CLDND1: variants seen among roughly 807,000 people sequenced by gnomAD.
CLDND1 encodes the protein claudin domain-containing protein 1.
CLDND1 carries 13 observed loss-of-function variants against 26.3 expected under a neutral mutation model. The observed-to-expected ratio is 0.49, with a 90% CI of 0.32 to 0.78. CLDND1 has a LOEUF of 0.78. CLDND1 is among the 30% of genes least tolerant of loss of function. CLDND1 has a pLI of 0.03. For missense variants in CLDND1, 289 were observed against 312.8 expected, an observed-to-expected ratio of 0.92 and a Z score of 0.57; for synonymous variants, 107 against 107.0, an observed-to-expected ratio of 1.00 and a Z score of 0.00.
chr3:98,521,656 G>A (rs753880425), intron 1 of CLDND1: 1 of 1,611,108 alleles, frequency 6.2e-7, no homozygotes. Flanking sequence ...CACATACCCA[G>A]GATGCTACGG....
rs747385363 is a variant in CLDND1 at position 98,517,087 on chromosome 3, G to A, written c.506C>T (p.Pro169Leu). 3 of 1,614,102 alleles carry A rather than the reference G, an allele frequency of 1.9e-6. No individual in the cohort carries two copies. The South Asian group carries it at 3.3e-5, about 18-fold the overall frequency. Residue 169 changes from proline (P) to leucine (L), a missense_variant, in exon 4 of 5, where the codon CCC becomes CTC. Transcript: ENST00000341181. ...LCACICRSLY[P>L]TIATGILHLL... ...ATGGAGAATGCCCGTGGCAATGGTGGGATATAAGCTTCGGCAAATGCAAGC... is the reference window on the plus strand; with the variant it reads ...ATGGAGAATGCCCGTGGCAATGGTGAGATATAAGCTTCGGCAAATGCAAGC...
At chr3:98,521,508 A>C in intron 1 of CLDND1, 66 bp from the exon 2 acceptor site, 1 of 1,520,508 alleles carries the variant, frequency 6.6e-7, no homozygotes, top group Non-Finnish European at 9.0e-7. Flanking sequence ...ATTATTTTGA[A>C]TTATTCCAAA....
intron 1 of CLDND1, 109 bp downstream of exon 1, chr3:98,522,740 G>A: frequency 1.3e-6 from 2 of 1,595,466 alleles, no homozygotes; most frequent in Non-Finnish European, 1.7e-6. Context: ...CCGCCGCTCG[G>A]AACCCGCCCA....
chr3:98,517,311 T>C (rs1163267282), intron 3 of CLDND1, 122 bp from the exon 4 acceptor site: 4 of 1,116,396 alleles, frequency 3.6e-6, no homozygotes, highest in Admixed American at 5.6e-5. Flanking sequence ...TATTTTAACA[T>C]TGAGGCCTCT....
chr3:98,516,764 A>C lies in CLDND1; in HGVS notation c.657T>G (p.Ala219=). 1 of 1,614,180 alleles carries C rather than the reference A, an allele frequency of 6.2e-7. No homozygotes were observed. The highest frequency in any genetic ancestry group is 8.5e-7 in the Non-Finnish European group (1 of 1,180,024). Residue 219 remains alanine (A), a synonymous_variant, in exon 5 of 5, where the codon GCT becomes GCG. Transcript: ENST00000341181. ...TGAACTGTAAGGGAGCAGAGACACA[A>C]GCCAGGCAGAAGGACCATCCAAATT... ...SGEFGWSFCL[A]CVSAPLQFMA...
chr3:98,518,352 T>G (rs1706249128), intron 3 of CLDND1, among the ~76,000 whole-genome samples: 1 of 152,176 alleles, frequency 6.6e-6, no homozygotes, highest in Non-Finnish European at 1.5e-5. Context: ...GGCTCAAATC[T>G]GAAGACAGTA....
At chr3:98,520,616 C>G (rs1380819396) in intron 2 of CLDND1, 1 of 151,504 alleles carries the variant, frequency 6.6e-6, no homozygotes, top group Non-Finnish European at 1.5e-5. Flanking sequence ...CCTACCAACT[C>G]TGCATCAAGA....
rs886211382 is a variant in CLDND1, at chr3:98,515,760, G to C, written c.*899C>G. The C allele has an allele frequency of 3.9e-6, 5 of 1,289,692 alleles. No individual in the cohort carries two copies. The African/African-American group carries it at 7.6e-5, about 20-fold the overall frequency. 79.9% of individuals were successfully genotyped at this position (1,289,692 alleles called of 1,614,324 possible). ...ATAGTTGGAGGTTAATGGACAGCCA[G>C]AACTTTAGATCTTGTGGTAGGTTTC... is the stretch of plus-strand genomic sequence containing the variant. On this transcript the variant is annotated 3_prime_UTR_variant, in exon 5 of 5. Coordinates refer to ENST00000341181, the MANE Select transcript of CLDND1 (RefSeq NM_001040181.2).
intron 2 of CLDND1, 42 bp from the exon 3 acceptor site, chr3:98,519,037 T>A (rs1473788329): frequency 8.6e-7 from 1 of 1,157,656 alleles, no homozygotes; most frequent in Admixed American, 1.9e-5. Context: ...TTATAAACAT[T>A]TAACAAAAAT....
At chr3:98,522,690 G>T in intron 1 of CLDND1, 159 bp downstream of exon 1, 2 of 1,471,010 alleles carry the variant, frequency 1.4e-6, no homozygotes, top group South Asian at 2.7e-5. Flanking sequence ...CCCGGTACCC[G>T]ACCAGGCCCC....
In CLDND1 at chr3:98,522,830, G is replaced by C; in HGVS notation, c.-19+19C>G. 1 of 1,613,718 alleles carries C rather than the reference G, an allele frequency of 6.2e-7. No homozygotes were observed. The highest frequency in any genetic ancestry group is 1.7e-5 in the Admixed American group (1 of 60,014). The stretch of plus-strand genomic sequence containing the variant: ...CGCGACGCGACCCCTGCCCGGCGAC[G>C]CAGGTCCCGCTCACTCACCGCCCAT... On this transcript the variant is annotated intron_variant, in intron 1 of 4. Coordinates refer to ENST00000341181, the MANE Select transcript of CLDND1 (RefSeq NM_001040181.2).
intron 3 of CLDND1, among the ~76,000 whole-genome samples, chr3:98,518,283 C>A (rs543831836): frequency 1.3e-5 from 2 of 152,170 alleles, no homozygotes; most frequent in South Asian, 2.1e-4. Context: ...TCTTATTCAA[C>A]CTTTTCTCTT....
At chr3:98,518,286 T>C (rs1706246242) in intron 3 of CLDND1, among the ~76,000 whole-genome samples, 1 of 152,174 alleles carries the variant, frequency 6.6e-6, no homozygotes, top group African/African-American at 2.4e-5. Flanking sequence ...TATTCAACCT[T>C]TTCTCTTACA....
At chr3:98,520,858 G>C (rs975532468) in intron 2 of CLDND1, 3 of 360,730 alleles carry the variant, frequency 8.3e-6, no homozygotes. Context: ...TTAGAGTAAT[G>C]AAAAGTATTT....
intron 3 of CLDND1, 65 bp downstream of exon 3, chr3:98,518,820 C>A (rs976836261): frequency 1.0e-6 from 1 of 979,486 alleles, no homozygotes; most frequent in African/African-American, 1.6e-5. Flanking sequence ...AAAACATAGT[C>A]CAAAAAGAGA....
At position 98,516,060 on chromosome 3, in the gene CLDND1, T is replaced by C; in HGVS notation, c.*599A>G. 2 of 1,157,510 alleles carry C rather than the reference T, an allele frequency of 1.7e-6. No homozygotes were observed. The highest frequency in any genetic ancestry group is 2.2e-6 in the Non-Finnish European group (2 of 926,114). 71.7% of individuals were successfully genotyped at this position (1,157,510 alleles called of 1,614,324 possible). ...GTTAAAATTTCAAGTAAACACTGTA[T>C]TTTTCACTTTTTGTAGACAGACACA... On this transcript the variant is annotated 3_prime_UTR_variant, in exon 5 of 5. Transcript: ENST00000341181.
chr3:98,522,553 C>G, intron 1 of CLDND1: 1 of 1,355,470 alleles, frequency 7.4e-7, no homozygotes, highest in Non-Finnish European at 9.4e-7. Flanking sequence ...TTAAAGGGTC[C>G]CAGCACTGGG....
rs1041431363 is a variant in CLDND1 at position 98,516,981 on chromosome 3, C to A, written c.541+71G>T. ...CAGGGCAGTTAATACGTGAACATTT[C>A]AGATTTATAACTCTTTGGTCCCTAA... is the stretch of plus-strand genomic sequence containing the variant. On this transcript the variant is annotated intron_variant, in intron 4 of 4. Coordinates refer to ENST00000341181, the MANE Select transcript of CLDND1 (RefSeq NM_001040181.2). 1.0e-5 allele frequency: 16 copies of A among 1,607,362 alleles called. No individual in the cohort carries two copies. In the Admixed American group the frequency reaches 2.7e-4, roughly 27 times the overall value.
chr3:98,519,535 C>T (rs746081353), intron 2 of CLDND1, among the ~76,000 whole-genome samples: 36 of 152,174 alleles, frequency 2.4e-4, no homozygotes, highest in Admixed American at 4.6e-4. Flanking sequence ...CTATAACCTC[C>T]TAACCATAGT....
Sources: allele counts gnomAD v4.1 joint callset (sites outside exome capture counted in the v4.1 genomes callset), GRCh38; gene constraint gnomAD v4.1.1; transcripts MANE v1.5; gene names NCBI Gene and HGNC (gene_info 2026-07-23, HGNC 2026-07-21).